The following PRKN variants were observed in gnomAD, a reference collection of about 807,000 sequenced individuals.
PRKN encodes the protein parkin RBR E3 ubiquitin protein ligase, also known as E3 ubiquitin-protein ligase parkin.
In PRKN, 56 loss-of-function variants were observed where a neutral mutation model predicts 59.5. That is an observed-to-expected ratio of 0.94 (90% CI 0.76 to 1.18). The LOEUF (loss-of-function observed/expected upper bound fraction) is 1.18, where lower values mean the gene tolerates loss of function less well. Among genes scored for constraint, PRKN ranks in the 50% most tolerant of loss-of-function variants. PRKN has a pLI of 0.00. For missense variants in PRKN, 657 were observed against 596.4 expected (o/e 1.10, Z -1.06); for synonymous variants, 250 against 222.1 (o/e 1.13, Z -1.12).
At chr6:161,509,581 G>A (rs1778303530) in intron 9 of PRKN, among the ~76,000 whole-genome samples, 1 of 150,968 alleles carries the variant, frequency 6.6e-6, no homozygotes, top group Admixed American at 6.6e-5. Context: ...TCCTTTGGGG[G>A]GAAAAAAAGA....
chr6:162,236,834 G>A (rs1583245164), intron 3 of PRKN, among the ~76,000 whole-genome samples: 2 of 150,934 alleles, frequency 1.3e-5, no homozygotes, highest in Admixed American at 1.3e-4. Flanking sequence ...CAGAGAGAGA[G>A]AGAAAGAAAG....
At chr6:162,401,029 C>T (rs891781267) in intron 2 of PRKN, among the ~76,000 whole-genome samples, 2 of 152,042 alleles carry the variant, frequency 1.3e-5, no homozygotes, top group African/African-American at 2.4e-5. Flanking sequence ...AAACGCAACA[C>T]AAGGCAACCC....
At chr6:162,071,323 G>A (rs779071281) in intron 4 of PRKN, among the ~76,000 whole-genome samples, 15 of 151,326 alleles carry the variant, frequency 9.9e-5, no homozygotes, top group Non-Finnish European at 2.2e-4. Flanking sequence ...CCCACTTTCT[G>A]ACAATGTGGC....
intron 1 of PRKN, among the ~76,000 whole-genome samples, chr6:162,674,131 A>G (rs1414048146): frequency 6.6e-6 from 1 of 152,206 alleles, no homozygotes; most frequent in Non-Finnish European, 1.5e-5. Flanking sequence ...TACAGCTTTG[A>G]CTGTATGCAA....
chr6:162,557,305 C>T (rs1342048003), intron 1 of PRKN, among the ~76,000 whole-genome samples: 2 of 152,200 alleles, frequency 1.3e-5, no homozygotes, highest in Non-Finnish European at 1.5e-5. Context: ...AACAAACACG[C>T]TGGAGTCAGA....
Position 161,454,980 on chromosome 6 carries a change from C to T in PRKN, c.1084-68103G>A, listed in dbSNP as rs1433226584. On this transcript the variant is annotated intron_variant, in intron 9 of 11. Coordinates refer to ENST00000366898, the MANE Select transcript of PRKN (RefSeq NM_004562.3). This position sits in a 1 kb window ranked among gnomAD's most constrained non-coding sequence, Gnocchi z 4.6. ...CATCTAGATTTGTCATATCCTGTCT[C>T]TCCTATTAGAACATAGACTTCTTGA... 6.6e-6 allele frequency among the ~76,000 whole-genome samples: 1 copy of T among 151,872 alleles called. No individual in the cohort carries two copies. Among genetic ancestry groups the T allele is most frequent in the East Asian group, 1.9e-4 (1 of 5,196 alleles).
chr6:161,436,398 T>G (rs28539045), intron 9 of PRKN, among the ~76,000 whole-genome samples: 2 of 141,652 alleles, frequency 1.4e-5, no homozygotes. Flanking sequence ...AGAGGAGGCA[T>G]GGCATAGAGA....
intron 2 of PRKN, among the ~76,000 whole-genome samples, chr6:162,419,981 G>A (rs1788867954): frequency 1.3e-5 from 2 of 152,096 alleles, no homozygotes; most frequent in Non-Finnish European, 2.9e-5. Context: ...TGGTTTCGTG[G>A]GAGACAGTTT....
chr6:161,671,281 G>A (rs1030193598), intron 7 of PRKN, among the ~76,000 whole-genome samples: 31 of 152,208 alleles, frequency 2.0e-4, no homozygotes, highest in Middle Eastern at 3.4e-3. Context: ...TGAGGCTGAC[G>A]TGACAGTCTG....
intron 4 of PRKN, among the ~76,000 whole-genome samples, chr6:162,141,958 T>C (rs1188827717): frequency 2.0e-5 from 3 of 152,192 alleles, no homozygotes; most frequent in African/African-American, 7.2e-5. Flanking sequence ...TCCATAAATA[T>C]AGTCTGCAAT....
intron 2 of PRKN, among the ~76,000 whole-genome samples, chr6:162,360,170 T>C (rs536889872): frequency 3.2e-3 from 484 of 152,214 alleles, no homozygotes; most frequent in Middle Eastern, 6.8e-3. Context: ...GTTTCCTCTG[T>C]CTTATCGCAC....
At chr6:161,831,896 G>T (rs1792513311) in intron 6 of PRKN, among the ~76,000 whole-genome samples, 1 of 152,180 alleles carries the variant, frequency 6.6e-6, no homozygotes, top group African/African-American at 2.4e-5. Flanking sequence ...GCTTCCAATA[G>T]CAGCAGCCAC....
intron 3 of PRKN, among the ~76,000 whole-genome samples, chr6:162,239,408 CAT>C (rs1273957688): frequency 3.3e-5 from 5 of 152,038 alleles, no homozygotes; most frequent in African/African-American, 1.2e-4. Context: ...CCCTAAAAGA[CAT>C]ATTATTTTAT....
intron 1 of PRKN, among the ~76,000 whole-genome samples, chr6:162,444,031 C>CT (rs960832450): frequency 3.9e-5 from 6 of 152,074 alleles, no homozygotes; most frequent in African/African-American, 1.4e-4. Flanking sequence ...TATTTGCCCT[C>CT]TTTTTGGCAG....
At chr6:161,973,103 A>T (rs1780886096) in intron 6 of PRKN, among the ~76,000 whole-genome samples, 199 bp downstream of exon 6, 3 of 152,190 alleles carry the variant, frequency 2.0e-5, no homozygotes, top group Non-Finnish European at 4.4e-5. Flanking sequence ...GGCATTTTAA[A>T]TTGTTTCCTC....
chr6:162,171,989 A>G (rs1783301639), intron 4 of PRKN, among the ~76,000 whole-genome samples: 1 of 152,084 alleles, frequency 6.6e-6, no homozygotes, highest in Admixed American at 6.6e-5. Context: ...TTTTAAATAC[A>G]CTAATATTCT....
At chr6:162,345,297 G>A (rs912215518) in intron 2 of PRKN, among the ~76,000 whole-genome samples, 1 of 152,186 alleles carries the variant, frequency 6.6e-6, no homozygotes, top group Non-Finnish European at 1.5e-5. Context: ...ACAGAAAGCT[G>A]CCCAAGGGTA....
chr6:161,985,192 C>G (rs1041842838), intron 5 of PRKN, among the ~76,000 whole-genome samples: 1 of 152,078 alleles, frequency 6.6e-6, no homozygotes, highest in Non-Finnish European at 1.5e-5. Flanking sequence ...TAGCCTAGCC[C>G]GACAATAAAA....
intron 1 of PRKN, among the ~76,000 whole-genome samples, chr6:162,713,346 T>C (rs1487771987): frequency 6.6e-6 from 1 of 151,876 alleles, no homozygotes; most frequent in Non-Finnish European, 1.5e-5. Context: ...TACAAAAAAT[T>C]AGCCACGCGT....
Sources: allele counts gnomAD v4.1 joint callset (sites outside exome capture counted in the v4.1 genomes callset), GRCh38; gene constraint gnomAD v4.1.1; non-coding constraint Gnocchi (gnomAD v3.1); transcripts MANE v1.5; gene names NCBI Gene and HGNC (gene_info 2026-07-23, HGNC 2026-07-21).